ALMS1: variants seen among roughly 807,000 people sequenced by gnomAD.
ALMS1 encodes the protein centrosome-associated protein ALMS1.
In ALMS1, 271 loss-of-function variants were observed where a neutral mutation model predicts 352.2. That is an observed-to-expected ratio of 0.77 (90% CI 0.70 to 0.85). ALMS1 has a LOEUF of 0.85. Ranked by LOEUF, ALMS1 falls within the 40% of genes least tolerant of loss-of-function variation. The probability of loss-of-function intolerance (pLI) is 0.00; values close to 1 mark genes in which losing one functional copy is unlikely to be tolerated. For synonymous variants in ALMS1, 1,865 were observed against 1,761.2 expected, an observed-to-expected ratio of 1.06 and a Z score of -1.48; for missense variants, 5,445 against 4,870.7, an observed-to-expected ratio of 1.12 and a Z score of -3.51.
At chr2:73,525,991 A>G (rs1252763807) in intron 11 of ALMS1, among the ~76,000 whole-genome samples, 1 of 152,188 alleles carries the variant, frequency 6.6e-6, no homozygotes, top group Admixed American at 6.5e-5. Context: ...ATTCTTCTGC[A>G]TGTAGATAAC....
intron 17 of ALMS1, 86 bp downstream of exon 17, chr2:73,599,607 A>G (rs1230424682): frequency 6.1e-6 from 9 of 1,466,160 alleles, no homozygotes; most frequent in Non-Finnish European, 8.5e-6. Context: ...ATCATAATAA[A>G]GGACATGAAG....
chr2:73,520,530 T>C (rs958332366), intron 11 of ALMS1, among the ~76,000 whole-genome samples: 4 of 152,240 alleles, frequency 2.6e-5, no homozygotes, highest in Middle Eastern at 3.2e-3. Context: ...CTGTTTTCTT[T>C]AAAATATATA....
intron 7 of ALMS1, among the ~76,000 whole-genome samples, chr2:73,436,497 A>G (rs762149901): frequency 2.6e-4 from 40 of 152,148 alleles, no homozygotes; most frequent in Middle Eastern, 3.2e-3. Context: ...CCCAGTTATC[A>G]TCTCTTGCAT....
chr2:73,453,070 A>G lies in ALMS1; in HGVS notation c.6543A>G (p.Leu2181=), dbSNP rs1553404267. The change falls in exon 8 of 23, where the codon TTA becomes TTG. Residue 2181 remains leucine, a synonymous_variant. Coordinates refer to ENST00000613296, the MANE Select transcript of ALMS1 (RefSeq NM_001378454.1). ...ALGQADQITG[L]QTVPSGTYSH... is the part of the protein sequence containing the mutation. ...GGCAAGCTGATCAAATTACCGGATT[A>G]CAAACAGTTCCCTCTGGTACTTACT... is the stretch of plus-strand genomic sequence containing the variant. 3 of 1,614,044 alleles carry G rather than the reference A, an allele frequency of 1.9e-6. No individual in the cohort carries two copies. The highest frequency in any genetic ancestry group is 1.7e-6 in the Non-Finnish European group (2 of 1,180,010).
intron 9 of ALMS1, among the ~76,000 whole-genome samples, chr2:73,464,418 A>G (rs1308506326): frequency 2.6e-5 from 4 of 152,224 alleles, no homozygotes; most frequent in South Asian, 2.1e-4. Flanking sequence ...GAAACTCTCA[A>G]TAAATGAGGT....
intron 21 of ALMS1, among the ~76,000 whole-genome samples, chr2:73,605,541 T>A (rs143742906): frequency 6.6e-6 from 1 of 152,242 alleles, no homozygotes; most frequent in African/African-American, 2.4e-5. Context: ...ACCTTGCAAC[T>A]AATTTTTAAG....
chr2:73,482,015 A>T (rs1179737673), intron 9 of ALMS1, among the ~76,000 whole-genome samples: 3 of 152,148 alleles, frequency 2.0e-5, no homozygotes, highest in African/African-American at 7.2e-5. Context: ...CAATCATGTC[A>T]TCTGCAAACA....
intron 13 of ALMS1, among the ~76,000 whole-genome samples, chr2:73,551,079 G>A (rs2104037551): frequency 6.6e-6 from 1 of 152,176 alleles, no homozygotes; most frequent in African/African-American, 2.4e-5. Context: ...GGCTGGTCTT[G>A]AATTCCTGGC....
At chr2:73,474,411 CTATT>C in intron 9 of ALMS1, among the ~76,000 whole-genome samples, 1 of 148,536 alleles carries the variant, frequency 6.7e-6, no homozygotes, top group African/African-American at 2.5e-5. Flanking sequence ...GTGTGTGTGT[CTATT>C]GGTTTACATG....
At chr2:73,399,565 C>A (rs1229932524) in intron 1 of ALMS1, among the ~76,000 whole-genome samples, 1 of 151,766 alleles carries the variant, frequency 6.6e-6, no homozygotes, top group Non-Finnish European at 1.5e-5. Flanking sequence ...TCACTTATCA[C>A]TAAGGGAATG....
In ALMS1 at chr2:73,601,324, T is replaced by C; in HGVS notation, c.12002T>C (p.Leu4001Pro). The change falls in exon 19 of 23, where the codon CTG (leucine) becomes CCG (proline). Residue 4001 changes from leucine (L) to proline (P), a missense_variant. By Grantham distance (98) the Leu-to-Pro change is moderately conservative. Coordinates refer to ENST00000613296, the MANE Select transcript of ALMS1 (RefSeq NM_001378454.1). The stretch of plus-strand genomic sequence containing the variant: ...AAGACCAGACCCTGGAGGGAGCCAC[T>C]GCGGGAGCAGAACTGTCAGGGGCAG... ...ITKTRPWREP[L>P]REQNCQGQHL... The C allele has an allele frequency of 6.2e-7, 1 of 1,614,200 alleles. No homozygotes were observed. The highest frequency in any genetic ancestry group is 1.1e-5 in the South Asian group (1 of 91,092).
chr2:73,508,017 C>G (rs1176753614), intron 10 of ALMS1, among the ~76,000 whole-genome samples: 2 of 151,958 alleles, frequency 1.3e-5, no homozygotes, highest in Non-Finnish European at 2.9e-5. Flanking sequence ...TTTCTTGCTG[C>G]CTTGATTTCG....
intron 12 of ALMS1, among the ~76,000 whole-genome samples, chr2:73,542,369 C>T (rs1233887874): frequency 1.3e-5 from 2 of 152,128 alleles, no homozygotes; most frequent in Non-Finnish European, 2.9e-5. Flanking sequence ...GGACATATCT[C>T]AAAATAATAA....
intron 9 of ALMS1, among the ~76,000 whole-genome samples, chr2:73,477,797 A>G (rs1672613236): frequency 1.3e-5 from 2 of 152,142 alleles, no homozygotes; most frequent in South Asian, 4.1e-4. Flanking sequence ...ATTAAAATAC[A>G]GTTGATTTTT....
chr2:73,409,550 C>T (rs1671036294), intron 2 of ALMS1, among the ~76,000 whole-genome samples: 2 of 152,112 alleles, frequency 1.3e-5, no homozygotes, highest in South Asian at 2.1e-4. Flanking sequence ...AAACCTATTA[C>T]ATATTACCAT....
chr2:73,551,259 G>A (rs572118325), intron 13 of ALMS1, among the ~76,000 whole-genome samples: 5 of 151,980 alleles, frequency 3.3e-5, no homozygotes, highest in Admixed American at 6.6e-5. Flanking sequence ...CCTTTGGCTC[G>A]CATTCATTCA....
chr2:73,480,069 T>C (rs924663059), intron 9 of ALMS1, among the ~76,000 whole-genome samples: 25 of 151,628 alleles, frequency 1.6e-4, no homozygotes, highest in African/African-American at 6.0e-4. Flanking sequence ...TATTTTTATT[T>C]TTATTTATTT....
At position 73,453,983 on chromosome 2, in the gene ALMS1, C is replaced by T; in HGVS notation, c.7456C>T (p.Leu2486Phe). 6.2e-7 allele frequency: 1 copy of T among 1,613,452 alleles called. No homozygotes were observed. The highest frequency in any genetic ancestry group is 8.5e-7 in the Non-Finnish European group (1 of 1,179,844). Reference protein sequence around the residue: ...VDSLAAHVKNLLQCESSLNHA... With the variant: ...VDSLAAHVKNFLQCESSLNHA... ...TTCACTGGCTGCACATGTGAAAAAC[C>T]TTCTGCAATGTGAATCCTCACTGAA... is the stretch of plus-strand genomic sequence containing the variant. Residue 2486 changes from leucine (L) to phenylalanine (F), a missense_variant, in exon 8 of 23, where the codon CTT (leucine) becomes TTT (phenylalanine). Transcript: ENST00000613296.
chr2:73,529,396 C>A (rs1673862022), intron 11 of ALMS1, among the ~76,000 whole-genome samples: 1 of 152,148 alleles, frequency 6.6e-6, no homozygotes, highest in African/African-American at 2.4e-5. Context: ...CTCTGTTTCT[C>A]CAGGATTGGT....
Sources: allele counts gnomAD v4.1 joint callset (sites outside exome capture counted in the v4.1 genomes callset), GRCh38; gene constraint gnomAD v4.1.1; transcripts MANE v1.5; gene names NCBI Gene and HGNC (gene_info 2026-07-23, HGNC 2026-07-21).